NEK11: variants seen among roughly 807,000 people sequenced by gnomAD.
NEK11 encodes serine/threonine-protein kinase Nek11.
Under a neutral mutation model 80.7 loss-of-function variants are expected in NEK11, and 72 were observed. That is an observed-to-expected ratio of 0.89 (90% CI 0.74 to 1.08). The LOEUF (loss-of-function observed/expected upper bound fraction) is 1.08. Ranked by LOEUF, NEK11 falls within the 50% of genes least tolerant of loss-of-function variation. NEK11 has a pLI of 0.00. For synonymous variants in NEK11, 251 were observed against 260.7 expected (o/e 0.96, Z 0.36); for missense variants, 764 against 763.6 (o/e 1.00, Z -0.01).
At chr3:131,136,309 G>T (rs977551282) in intron 7 of NEK11, among the ~76,000 whole-genome samples, 3 of 152,130 alleles carry the variant, frequency 2.0e-5, no homozygotes, top group South Asian at 2.1e-4. Context: ...GAAATAATAA[G>T]AGAGAACTAT....
chr3:131,128,961 G>C (rs1343137921), intron 5 of NEK11, among the ~76,000 whole-genome samples: 1 of 151,802 alleles, frequency 6.6e-6, no homozygotes, highest in Non-Finnish European at 1.5e-5. Context: ...TCTTTGGTTA[G>C]GTGTCTGTTA....
At chr3:131,146,674 C>CT (rs569998027) in intron 7 of NEK11, among the ~76,000 whole-genome samples, 1 of 151,418 alleles carries the variant, frequency 6.6e-6, no homozygotes, top group African/African-American at 2.4e-5. Context: ...CCTAAGGAAA[C>CT]TTTTTTTTTC....
chr3:131,191,771 C>T (rs1486709088), intron 14 of NEK11, among the ~76,000 whole-genome samples: 1 of 152,074 alleles, frequency 6.6e-6, no homozygotes, highest in Non-Finnish European at 1.5e-5. Flanking sequence ...CTGGATATCT[C>T]ATGCAAAAGA....
rs780392456 is a variant in NEK11 at position 131,273,538 on chromosome 3, G to A, written c.1682G>A (p.Ser561Asn). ...DMSPGPPIFN[S>N]VMARTKMKRM... The stretch of plus-strand genomic sequence containing the variant: ...TCCCCAGGACCACCAATTTTCAACA[G>A]TGTGATGGCCAGGACCAAGATGAAA... The change falls in exon 17 of 18, where the codon AGT becomes AAT. Residue 561 changes from serine (S) to asparagine (N), a missense_variant. Transcript: ENST00000383366. 2.5e-5 allele frequency: 41 copies of A among 1,613,952 alleles called. No individual in the cohort carries two copies. Among genetic ancestry groups the A allele is most frequent in the Non-Finnish European group, 3.2e-5 (38 of 1,179,946 alleles).
At chr3:131,103,971 G>A (rs1159460939) in intron 4 of NEK11, among the ~76,000 whole-genome samples, 1 of 152,212 alleles carries the variant, frequency 6.6e-6, no homozygotes, top group Non-Finnish European at 1.5e-5. Context: ...CTCAGGGGGT[G>A]CCACCCCAAA....
intron 17 of NEK11, among the ~76,000 whole-genome samples, chr3:131,300,810 T>TG (rs1181148855): frequency 2.0e-5 from 3 of 152,186 alleles, no homozygotes; most frequent in Admixed American, 6.5e-5. Flanking sequence ...AGTCAGGTGA[T>TG]GTGATGCCTC....
At chr3:131,256,924 G>T (rs994049682) in intron 16 of NEK11, among the ~76,000 whole-genome samples, 1 of 152,112 alleles carries the variant, frequency 6.6e-6, no homozygotes, top group Non-Finnish European at 1.5e-5. Context: ...GAACCTGGAT[G>T]TGGCTGATGT....
At chr3:131,128,911 G>A (rs1464425649) in intron 5 of NEK11, among the ~76,000 whole-genome samples, 1 of 152,146 alleles carries the variant, frequency 6.6e-6, no homozygotes, top group East Asian at 1.9e-4. Flanking sequence ...GACATATGAT[G>A]TAAAACATCT....
At chr3:131,118,042 G>A (rs1333303414) in intron 5 of NEK11, among the ~76,000 whole-genome samples, 4 of 152,108 alleles carry the variant, frequency 2.6e-5, no homozygotes, top group African/African-American at 7.2e-5. Flanking sequence ...GGGCATCCCT[G>A]TCTTGTGCCA....
intron 3 of NEK11, among the ~76,000 whole-genome samples, chr3:131,056,128 C>T (rs1283240984): frequency 6.6e-6 from 1 of 152,144 alleles, no homozygotes; most frequent in African/African-American, 2.4e-5. Context: ...CATTTTACTG[C>T]CTTGAGATCA....
chr3:131,047,574 C>A (rs534210605), intron 3 of NEK11, among the ~76,000 whole-genome samples: 1 of 152,334 alleles, frequency 6.6e-6, no homozygotes, highest in South Asian at 2.1e-4. Context: ...AGCAGAGCTA[C>A]TGGGCTCTGG....
intron 17 of NEK11, among the ~76,000 whole-genome samples, chr3:131,331,525 T>C (rs1187282633): frequency 6.6e-6 from 1 of 152,144 alleles, no homozygotes; most frequent in Non-Finnish European, 1.5e-5. Context: ...CCTCCCAGCG[T>C]GAGCGACGCA....
intron 3 of NEK11, among the ~76,000 whole-genome samples, chr3:131,045,627 A>G (rs1414279567): frequency 6.6e-6 from 1 of 152,050 alleles, no homozygotes; most frequent in Non-Finnish European, 1.5e-5. Context: ...TGTATATTCT[A>G]TAGTTGCTGG....
At chr3:131,235,186 G>A (rs538299897) in intron 15 of NEK11, among the ~76,000 whole-genome samples, 3 of 152,220 alleles carry the variant, frequency 2.0e-5, no homozygotes, top group African/African-American at 4.8e-5. Flanking sequence ...CCTGTGCTCC[G>A]CTGTGCTGCT....
At chr3:131,235,684 T>G (rs1418870375) in intron 15 of NEK11, among the ~76,000 whole-genome samples, 1 of 152,116 alleles carries the variant, frequency 6.6e-6, no homozygotes, top group African/African-American at 2.4e-5. Flanking sequence ...GCCAAACCCT[T>G]TACATGCCTT....
intron 17 of NEK11, among the ~76,000 whole-genome samples, chr3:131,347,642 G>A (rs142187877): frequency 0.012 from 1,835 of 152,202 alleles, 20 homozygotes; most frequent in Admixed American, 0.022. Context: ...AAAAAAGGCC[G>A]GACACGGTGG....
chr3:131,125,980 GT>G (rs1232076131), intron 5 of NEK11, among the ~76,000 whole-genome samples: 2 of 152,172 alleles, frequency 1.3e-5, no homozygotes, highest in Non-Finnish European at 2.9e-5. Context: ...ACTTAAGTTG[GT>G]GTTTAAAGGA....
At chr3:131,261,941 A>G (rs1196924247) in intron 16 of NEK11, among the ~76,000 whole-genome samples, 5 of 152,298 alleles carry the variant, frequency 3.3e-5, no homozygotes, top group Admixed American at 2.0e-4. Flanking sequence ...AAAATTACAA[A>G]AATCAGAGTG....
intron 3 of NEK11, among the ~76,000 whole-genome samples, chr3:131,077,028 C>A (rs1032494309): frequency 6.6e-6 from 1 of 152,144 alleles, no homozygotes; most frequent in Admixed American, 6.6e-5. Context: ...AAAAGGTAGG[C>A]CAATTTCAAG....
Sources: gnomAD v4.1 joint callset for allele counts (sites outside exome capture counted in the v4.1 genomes callset) on GRCh38, gnomAD v4.1.1 for gene constraint, MANE v1.5 for transcripts, NCBI Gene and HGNC (gene_info 2026-07-23, HGNC 2026-07-21) for gene names.